The following ZNF490 variants were observed in gnomAD, a reference collection of about 807,000 sequenced individuals.
The protein encoded by ZNF490 is zinc finger protein 490.
ZNF490 carries 11 observed loss-of-function variants against 17.7 expected under a neutral mutation model. That is an observed-to-expected ratio of 0.62 (90% CI 0.39 to 1.03). ZNF490 has a LOEUF of 1.03. Among genes scored for constraint, ZNF490 ranks in the 50% least tolerant of loss-of-function variants. ZNF490 has a pLI of 0.00. For missense variants in ZNF490, 542 were observed against 643.4 expected (o/e 0.84, Z 1.71); for synonymous variants, 222 against 216.1 (o/e 1.03, Z -0.24).
intron 2 of ZNF490, among the ~76,000 whole-genome samples, chr19:12,583,791 C>CTCTCTCTCTCTATA (rs1315571249): frequency 1.5e-5 from 1 of 68,138 alleles, no homozygotes; most frequent in Non-Finnish European, 2.5e-5. Context: ...CTCTCTCTCT[C>CTCTCTCTCTCTATA]TATATATATA....
At chr19:12,602,507 G>T (rs1230374341) in intron 2 of ZNF490, among the ~76,000 whole-genome samples, 3 of 152,004 alleles carry the variant, frequency 2.0e-5, no homozygotes, top group African/African-American at 7.3e-5. Context: ...CCGAGATGAT[G>T]CCACTGGACT....
At chr19:12,599,478 AC>A (rs1355436009) in intron 2 of ZNF490, among the ~76,000 whole-genome samples, 2 of 152,202 alleles carry the variant, frequency 1.3e-5, no homozygotes, top group Non-Finnish European at 2.9e-5. Context: ...TCTTAACTGT[AC>A]AACTGCCTGC....
At chr19:12,602,156 T>C (rs1003570014) in intron 2 of ZNF490, among the ~76,000 whole-genome samples, 2 of 149,596 alleles carry the variant, frequency 1.3e-5, no homozygotes, top group African/African-American at 4.9e-5. Flanking sequence ...GGAATTTCAA[T>C]TTCATGCCAT....
At chr19:12,602,127 C>CACACAG (rs35798638) in intron 2 of ZNF490, among the ~76,000 whole-genome samples, 1 of 141,898 alleles carries the variant, frequency 7.0e-6, no homozygotes, top group Non-Finnish European at 1.5e-5. Flanking sequence ...CACACACACA[C>CACACAG]ATATATGGGC....
At chr19:12,602,919 C>T (rs1453429386) in intron 2 of ZNF490, among the ~76,000 whole-genome samples, 1 of 152,116 alleles carries the variant, frequency 6.6e-6, no homozygotes, top group East Asian at 1.9e-4. Flanking sequence ...AGCCACCACA[C>T]CTGGCCCCAT....
intron 4 of ZNF490, among the ~76,000 whole-genome samples, chr19:12,582,110 G>C (rs1378250513): frequency 6.6e-6 from 1 of 151,870 alleles, no homozygotes; most frequent in Non-Finnish European, 1.5e-5. Context: ...TTTTAGTAGA[G>C]ACGGGGTCTC....
intron 2 of ZNF490, among the ~76,000 whole-genome samples, chr19:12,602,129 T>C (rs200366077): frequency 0.038 from 2,592 of 67,760 alleles, 51 homozygotes; most frequent in African/African-American, 0.07. Flanking sequence ...CACACACACA[T>C]ATATGGGCCT....
rs142091101 is a variant in ZNF490, at chr19:12,577,259, A to G, written c.*3226T>C. Among the ~76,000 whole-genome samples, 179 of 152,306 alleles carry G rather than the reference A, an allele frequency of 1.2e-3. No individual in the cohort carries two copies. The highest frequency in any genetic ancestry group is 4.1e-3 in the African/African-American group (171 of 41,572). On this transcript the variant is annotated 3_prime_UTR_variant, in exon 5 of 5. Coordinates refer to ENST00000311437, the MANE Select transcript of ZNF490 (RefSeq NM_020714.3). ...TACAAAAACATCATCATAGACCCAC[A>G]TATACTTGTCCTTCAAAAAGTGAAT... is the stretch of plus-strand genomic sequence containing the variant.
chr19:12,606,542 G>A lies in ZNF490; in HGVS notation c.162+2616C>T, dbSNP rs189485994. On this transcript the variant is annotated intron_variant, in intron 2 of 4. Coordinates refer to ENST00000311437, the MANE Select transcript of ZNF490 (RefSeq NM_020714.3). ...TGTATTTTAGTAGAGATGCGGTTTC[G>A]CCATGTTGGCCAGGCTGGTCTTGAA... is the stretch of plus-strand genomic sequence containing the variant. Among the ~76,000 whole-genome samples the A allele has an allele frequency of 2.2e-3, 327 of 150,434 alleles. 2 individuals are homozygous for A. Among genetic ancestry groups the A allele is most frequent in the African/African-American group, 7.5e-3 (308 of 40,922 alleles).
chr19:12,594,369 G>C (rs953468626), intron 2 of ZNF490, among the ~76,000 whole-genome samples: 2 of 152,030 alleles, frequency 1.3e-5, no homozygotes, highest in Non-Finnish European at 2.9e-5. Flanking sequence ...TGGAGGCTGA[G>C]GTAGGAGAAT....
rs986704701 is a variant in ZNF490, at chr19:12,578,461, C to G, written c.*2024G>C. The G allele has an allele frequency of 2.0e-6, 2 of 985,234 alleles. No individual in the cohort carries two copies. The highest frequency in any genetic ancestry group is 3.5e-5 in the African/African-American group (2 of 57,200). 61.0% of individuals were successfully genotyped at this position (985,234 alleles called of 1,614,324 possible). On this transcript the variant is annotated 3_prime_UTR_variant, in exon 5 of 5. Transcript: ENST00000311437. Reference sequence around the variant, plus strand: ...CAGTCTCTCACCTCAGAGCCACCTGCGGTTGCCACAGAGAAATTCAGATGT... The same window carrying G: ...CAGTCTCTCACCTCAGAGCCACCTGGGGTTGCCACAGAGAAATTCAGATGT...
At position 12,590,921 on chromosome 19, in the gene ZNF490, T is replaced by TAAA. The variant is rs3058496; in HGVS notation, c.163-7368_163-7366dup. Among the ~76,000 whole-genome samples the TAAA allele has an allele frequency of 6.0e-4, 89 of 147,444 alleles. 2 individuals are homozygous for TAAA. Among genetic ancestry groups the TAAA allele is most frequent in the East Asian group, 1.8e-3 (9 of 4,996 alleles). On this transcript the variant is annotated intron_variant, in intron 2 of 4. Coordinates refer to ENST00000311437, the MANE Select transcript of ZNF490 (RefSeq NM_020714.3). ...TAACAACACTCCATCTCTATTTCTTTAAAAAAAAAAAAATTTTTTTTAAAT... is the reference window on the plus strand; with the variant it reads ...TAACAACACTCCATCTCTATTTCTTTAAAAAAAAAAAAAAAATTTTTTTTAAAT...
chr19:12,583,132 C>T (rs2022761314), intron 3 of ZNF490, among the ~76,000 whole-genome samples: 1 of 151,780 alleles, frequency 6.6e-6, no homozygotes, highest in South Asian at 2.1e-4. Flanking sequence ...ACCTCGGCCT[C>T]CCGGGTTCAA....
rs559101640 is a variant in ZNF490, at chr19:12,585,268, G to A, written c.163-1712C>T. ...AGCTGTGAGCAGTCAAAAGCCAGGC[G>A]GGGTGGCTCACGCCTATAATCCCAG... On this transcript the variant is annotated intron_variant, in intron 2 of 4. Transcript: ENST00000311437. Among the ~76,000 whole-genome samples, 16 of 93,754 alleles carry A rather than the reference G, an allele frequency of 1.7e-4. 5 individuals are homozygous for A. Among genetic ancestry groups the A allele is most frequent in the South Asian group, 2.9e-4 (1 of 3,498 alleles). 61.5% of individuals were successfully genotyped at this position (93,754 alleles called of 152,430 possible).
intron 2 of ZNF490, among the ~76,000 whole-genome samples, chr19:12,589,447 C>T (rs562888235): frequency 6.6e-6 from 1 of 151,902 alleles, no homozygotes; most frequent in South Asian, 2.1e-4. Flanking sequence ...CTCAAGCTAG[C>T]TAACAACAAA....
chr19:12,610,220 C>CAA (rs2023129757), intron 1 of ZNF490, among the ~76,000 whole-genome samples: 1 of 114,474 alleles, frequency 8.7e-6, no homozygotes, highest in African/African-American at 3.4e-5. Context: ...TTTTTTTTTT[C>CAA]TTGGGATGGG....
rs1004039835 is a variant in ZNF490, at chr19:12,578,980, G to A, written c.*1505C>T. On this transcript the variant is annotated 3_prime_UTR_variant, in exon 5 of 5. Transcript: ENST00000311437. The stretch of plus-strand genomic sequence containing the variant: ...TTTTAAAATGAACTGGAGGCCGGGC[G>A]CGGTGGCTCACGCCTATAATCCCAG... 132 of 985,386 alleles carry A rather than the reference G, an allele frequency of 1.3e-4. No individual in the cohort carries two copies. The highest frequency in any genetic ancestry group is 1.5e-4 in the Non-Finnish European group (127 of 829,986). The allele number at this position is 985,386 out of a possible 1,614,324, so 61.0% of individuals were successfully genotyped here.
At chr19:12,607,768 C>A (rs2023087517) in intron 2 of ZNF490, among the ~76,000 whole-genome samples, 2 of 151,228 alleles carry the variant, frequency 1.3e-5, no homozygotes, top group South Asian at 4.2e-4. Context: ...ACAAGAACAG[C>A]ATAGCATCTG....
chr19:12,591,983 A>C (rs34956595), intron 2 of ZNF490, among the ~76,000 whole-genome samples: 77,626 of 152,092 alleles, frequency 0.51, 22,272 homozygotes, highest in Non-Finnish European at 0.66. Context: ...AGAGTGAACC[A>C]AGATACCTCT....
Sources: gnomAD v4.1 joint callset for allele counts (sites outside exome capture counted in the v4.1 genomes callset) on GRCh38, gnomAD v4.1.1 for gene constraint, MANE v1.5 for transcripts, NCBI Gene and HGNC (gene_info 2026-07-23, HGNC 2026-07-21) for gene names.